The following SYNE1 variants were observed in gnomAD, a reference collection of about 807,000 sequenced individuals.
The protein encoded by SYNE1 is spectrin repeat containing nuclear envelope protein 1.
Under a neutral mutation model 1,111.0 loss-of-function variants are expected in SYNE1, and 616 were observed. The ratio of observed to expected loss-of-function variants is 0.55; its 90% CI spans 0.52 to 0.59. SYNE1 has a LOEUF of 0.59. Ranked by LOEUF, SYNE1 falls within the 20% of genes least tolerant of loss-of-function variation. The probability of loss-of-function intolerance (pLI) is 0.00; values close to 1 mark genes in which losing one functional copy is unlikely to be tolerated. For missense variants in SYNE1, 10,006 were observed against 10,417.0 expected (o/e 0.96, Z 1.72); for synonymous variants, 3,855 against 3,825.8 (o/e 1.01, Z -0.28).
Position 152,376,473 on chromosome 6 carries a change from G to A in SYNE1, c.9232C>T (p.Gln3078Ter), listed in dbSNP as rs780905329. The A allele has an allele frequency of 1.2e-6, 2 of 1,614,150 alleles. No individual in the cohort carries two copies. The highest frequency in any genetic ancestry group is 1.7e-5 in the Admixed American group (1 of 60,018). The change falls in exon 58 of 146, where the codon CAG becomes TAG. Residue 3078 changes from glutamine (Q) to a stop codon, truncating the protein, a stop_gained. Coordinates refer to ENST00000367255, the MANE Select transcript of SYNE1 (RefSeq NM_182961.4). LOFTEE classifies it high-confidence loss of function. The part of the protein sequence containing the change: ...RFRKAFRDFQ[Q>*]WLVNAKITTA... Reference sequence around the variant, plus strand: ...GTGATTTTTGCATTAACCAACCACTGCTGGAAATCCCTGAAGGCCTTTCGA... The same window carrying A: ...GTGATTTTTGCATTAACCAACCACTACTGGAAATCCCTGAAGGCCTTTCGA...
chr6:152,145,532 C>T (rs762086604), intron 137 of SYNE1: 1 of 1,613,934 alleles, frequency 6.2e-7, no homozygotes, highest in Non-Finnish European at 8.5e-7. Flanking sequence ...ACATAGGCCT[C>T]AGGGCTTTCG....
chr6:152,326,300 G>C lies in SYNE1; in HGVS notation c.15289C>G (p.Gln5097Glu). 6.2e-7 allele frequency: 1 copy of C among 1,614,130 alleles called. No homozygotes were observed. The highest frequency in any genetic ancestry group is 8.5e-7 in the Non-Finnish European group (1 of 1,180,010). The change falls in exon 79 of 146, where the codon CAG (glutamine) becomes GAG (glutamate). Residue 5097 changes from glutamine to glutamate, a missense_variant. Transcript: ENST00000367255. ...RDSGAQVDLLQRCTAQWHDYQ... is the reference protein window; with the variant it reads ...RDSGAQVDLLERCTAQWHDYQ... ...ACACAAAACATCCTGAAATACCTCT[G>C]CAAGAGATCCACTTGGGCACCAGAG...
chr6:152,512,435 T>C (rs2099089598), intron 6 of SYNE1, among the ~76,000 whole-genome samples: 1 of 152,216 alleles, frequency 6.6e-6, no homozygotes, highest in Non-Finnish European at 1.5e-5. Context: ...TAGGATCATT[T>C]TGAGAGCTTC....
At chr6:152,168,439 T>C in intron 130 of SYNE1, 1 of 497,834 alleles carries the variant, frequency 2.0e-6, no homozygotes, top group Non-Finnish European at 3.6e-6. Context: ...AGGCCACGAG[T>C]GTAAGAAGGG....
At chr6:152,224,850 C>T (rs2081085093) in intron 116 of SYNE1, among the ~76,000 whole-genome samples, 186 bp from the exon 117 acceptor site, 1 of 149,066 alleles carries the variant, frequency 6.7e-6, no homozygotes, top group African/African-American at 2.5e-5. Flanking sequence ...TTATGCCTTC[C>T]ACACTTTAAA....
intron 51 of SYNE1, among the ~76,000 whole-genome samples, chr6:152,393,369 G>A (rs1012108133): frequency 2.0e-5 from 3 of 152,148 alleles, no homozygotes. Flanking sequence ...AGGGAAGTAG[G>A]TCTGGGTGTG....
At chr6:152,187,732 A>T (rs1436088898) in intron 128 of SYNE1, among the ~76,000 whole-genome samples, 3 of 151,666 alleles carry the variant, frequency 2.0e-5, no homozygotes, top group South Asian at 4.2e-4. Context: ...TGTGTGTGAG[A>T]GAGAGAGAGA....
intron 4 of SYNE1, 93 bp downstream of exon 4, chr6:152,539,867 A>G: frequency 2.2e-6 from 3 of 1,336,698 alleles, no homozygotes; most frequent in Non-Finnish European, 3.2e-6. Context: ...CGCAACAGTG[A>G]CAACAGGGAC....
chr6:152,298,806 C>T (rs1002296758), intron 93 of SYNE1, among the ~76,000 whole-genome samples: 7 of 152,170 alleles, frequency 4.6e-5, no homozygotes, highest in African/African-American at 1.4e-4. Context: ...AACATGTGGC[C>T]GTAATGATGG....
intron 3 of SYNE1, among the ~76,000 whole-genome samples, chr6:152,608,261 A>T (rs1268308834): frequency 6.6e-6 from 1 of 152,246 alleles, no homozygotes; most frequent in African/African-American, 2.4e-5. Context: ...CATAATGGAC[A>T]AGGTGAATTC....
intron 126 of SYNE1, among the ~76,000 whole-genome samples, chr6:152,203,430 C>A (rs977862002): frequency 9.2e-5 from 14 of 152,126 alleles, no homozygotes; most frequent in Non-Finnish European, 1.9e-4. Context: ...CCAATCCAGG[C>A]CTTCCTGCTC....
At chr6:152,220,808 C>A in intron 119 of SYNE1, 34 bp downstream of exon 119, 1 of 1,594,242 alleles carries the variant, frequency 6.3e-7, no homozygotes, top group Non-Finnish European at 8.6e-7. Flanking sequence ...CTAAGAAGGG[C>A]ATGTGGGGAA....
chr6:152,632,171 A>C (rs2099698997), intron 2 of SYNE1, among the ~76,000 whole-genome samples: 1 of 152,188 alleles, frequency 6.6e-6, no homozygotes, highest in Middle Eastern at 3.2e-3. Context: ...ATAACATTGC[A>C]AAATCTCATT....
intron 90 of SYNE1, 153 bp downstream of exon 90, chr6:152,309,682 C>G (rs1219168812): frequency 7.4e-6 from 7 of 943,754 alleles, no homozygotes; most frequent in Non-Finnish European, 1.1e-5. Flanking sequence ...ATCCAAATGA[C>G]AGCATTTTAA....
chr6:152,493,256 C>CA (rs1330258660), intron 11 of SYNE1, among the ~76,000 whole-genome samples: 7 of 152,020 alleles, frequency 4.6e-5, no homozygotes, highest in Non-Finnish European at 1.0e-4. Flanking sequence ...TTCACCTTAT[C>CA]AAAAAAATTG....
At chr6:152,494,851 T>C (rs994694113) in intron 11 of SYNE1, among the ~76,000 whole-genome samples, 1 of 152,216 alleles carries the variant, frequency 6.6e-6, no homozygotes, top group Admixed American at 6.5e-5. Context: ...ACAATTATGC[T>C]GATAAGACAG....
At chr6:152,345,902 T>C (rs2096620496) in intron 73 of SYNE1, among the ~76,000 whole-genome samples, 1 of 152,238 alleles carries the variant, frequency 6.6e-6, no homozygotes, top group Non-Finnish European at 1.5e-5. Flanking sequence ...GTGTAAGTCA[T>C]ATTTGTCAGT....
chr6:152,470,519 T>C (rs1444015161), intron 16 of SYNE1, among the ~76,000 whole-genome samples: 1 of 152,172 alleles, frequency 6.6e-6, no homozygotes, highest in Non-Finnish European at 1.5e-5. Context: ...TTGGAACAAA[T>C]GTTTCCTAGA....
chr6:152,139,564 C>T (rs1220879690), intron 140 of SYNE1, among the ~76,000 whole-genome samples: 1 of 116,906 alleles, frequency 8.6e-6, no homozygotes, highest in Non-Finnish European at 1.7e-5. Flanking sequence ...GAGTGAGACT[C>T]CATCAAAAAA....
Sources: allele counts gnomAD v4.1 joint callset (sites outside exome capture counted in the v4.1 genomes callset), GRCh38; gene constraint gnomAD v4.1.1; transcripts MANE v1.5; gene names NCBI Gene and HGNC (gene_info 2026-07-23, HGNC 2026-07-21).